The following ARRB2 variants were observed in gnomAD, a reference collection of about 807,000 sequenced individuals.
ARRB2 encodes beta-arrestin-2.
In ARRB2, 21 loss-of-function variants were observed where a neutral mutation model predicts 53.4. The observed-to-expected ratio is 0.39, with a 90% confidence interval of 0.28 to 0.57. ARRB2 has a LOEUF of 0.57. ARRB2 is among the 20% of genes least tolerant of loss of function. ARRB2 has a pLI of 0.55. For synonymous variants in ARRB2, 180 were observed against 212.9 expected, an observed-to-expected ratio of 0.85 and a Z score of 1.34; for missense variants, 369 against 527.5, an observed-to-expected ratio of 0.70 and a Z score of 2.94.
At chr17:4,715,228 A>G in intron 2 of ARRB2, 185 bp downstream of exon 2, 1 of 696,074 alleles carries the variant, frequency 1.4e-6, no homozygotes, top group Non-Finnish European at 2.3e-6. Flanking sequence ...GCTCAGCCTG[A>G]GCCAGCCACA....
chr17:4,715,570 CACACACACACACACACGG>C (rs1354944905), intron 2 of ARRB2: 7 of 199,690 alleles, frequency 3.5e-5, no homozygotes, highest in Non-Finnish European at 7.1e-5. Flanking sequence ...CACACACGGA[CACACACACACACACACGG>C]ACACACACAA....
chr17:4,716,397 AC>A lies in ARRB2; in HGVS notation c.161-12del. The A allele has an allele frequency of 1.2e-6, 2 of 1,613,800 alleles. No individual in the cohort carries two copies. The highest frequency in any genetic ancestry group is 1.7e-6 in the Non-Finnish European group (2 of 1,179,918). On this transcript the variant is annotated splice_polypyrimidine_tract_variant and intron_variant, in intron 4 of 14. Coordinates refer to ENST00000269260, the MANE Select transcript of ARRB2 (RefSeq NM_004313.4). ...AGTGGGGCTCCTGACCACTCATCTC[AC>A]CCTCCCTTGCCAGTGTTTGTGACCC...
intron 1 of ARRB2, among the ~76,000 whole-genome samples, chr17:4,714,064 T>C (rs181333150): frequency 6.8e-6 from 1 of 147,880 alleles, no homozygotes; most frequent in East Asian, 2.0e-4. Context: ...ACCATCTTCA[T>C]GATATGGCTG....
rs1915256018 is a variant in ARRB2, at chr17:4,718,039, G to A, written c.621+16G>A. ...GGACAAGGAGGTGGGGCGTGAGAGG[G>A]TGACACGGATGCCACGGTGCAGTTT... is the stretch of plus-strand genomic sequence containing the variant. On this transcript the variant is annotated intron_variant, in intron 8 of 14. Coordinates refer to ENST00000269260, the MANE Select transcript of ARRB2 (RefSeq NM_004313.4). 2 of 1,612,576 alleles carry A rather than the reference G, an allele frequency of 1.2e-6. No homozygotes were observed. Among genetic ancestry groups the A allele is most frequent in the Non-Finnish European group, 1.7e-6 (2 of 1,179,988 alleles).
intron 9 of ARRB2, 102 bp from the exon 10 acceptor site, chr17:4,718,510 T>C: frequency 7.6e-7 from 1 of 1,314,296 alleles, no homozygotes; most frequent in Non-Finnish European, 1.1e-6. Flanking sequence ...GTTTACTGCT[T>C]CAGTGGGGAG....
intron 3 of ARRB2, 21 bp downstream of exon 3, chr17:4,716,054 A>G: frequency 2.5e-6 from 4 of 1,614,182 alleles, no homozygotes; most frequent in Non-Finnish European, 3.4e-6. Context: ...CCAGAAAGGG[A>G]CAGCTCGTTC....
chr17:4,716,916 C>A (rs1915128005), intron 5 of ARRB2: 1 of 600,610 alleles, frequency 1.7e-6, no homozygotes. Context: ...TTCACTGCAA[C>A]CTCCGCCTCC....
At chr17:4,715,371 G>A in intron 2 of ARRB2, 1 of 410,898 alleles carries the variant, frequency 2.4e-6, no homozygotes, top group Non-Finnish European at 4.4e-6. Flanking sequence ...CAGCCCCCGG[G>A]CTATGGCCTA....
At chr17:4,718,561 G>T in intron 9 of ARRB2, 51 bp from the exon 10 acceptor site, 1 of 1,580,076 alleles carries the variant, frequency 6.3e-7, no homozygotes, top group Non-Finnish European at 8.6e-7. Context: ...TTGTGGTGTG[G>T]TGGTGGCTTG....
chr17:4,715,639 ACACAGACACACATGCACATACATGTT>A, intron 2 of ARRB2: 1 of 400,626 alleles, frequency 2.5e-6, no homozygotes, highest in East Asian at 5.3e-5. Context: ...CTGAGGACAC[ACACAGACACACATGCACATACATGTT>A]CACACACACA....
intron 9 of ARRB2, 126 bp from the exon 10 acceptor site, chr17:4,718,486 C>G: frequency 2.5e-6 from 3 of 1,201,870 alleles, no homozygotes; most frequent in Non-Finnish European, 3.6e-6. Flanking sequence ...CATAATGATA[C>G]GGGGAGCCTC....
intron 3 of ARRB2, 35 bp from the exon 4 acceptor site, chr17:4,716,112 C>T (rs1915003458): frequency 1.2e-6 from 2 of 1,614,072 alleles, no homozygotes; most frequent in Non-Finnish European, 1.7e-6. Flanking sequence ...GGGAGCGGCC[C>T]TTTCAGGAAG....
At chr17:4,720,096 C>T in intron 11 of ARRB2, 120 bp from the exon 12 acceptor site, 2 of 1,008,354 alleles carry the variant, frequency 2.0e-6, no homozygotes, top group Non-Finnish European at 3.0e-6. Flanking sequence ...GCCTGGGCTG[C>T]TGGGGCCCTG....
rs1227888150 is a variant in ARRB2, at chr17:4,717,640, G to A, written c.418-45G>A. On this transcript the variant is annotated intron_variant, in intron 6 of 14. Coordinates refer to ENST00000269260, the MANE Select transcript of ARRB2 (RefSeq NM_004313.4). This position sits in a 1 kb window ranked among gnomAD's most constrained non-coding sequence, Gnocchi z 6.0. ...GGGAGGAAGAAAGGGCAGTGATGGT[G>A]GCGGGAGCCTCCGGTAAGATGTGGC... 3 of 1,612,450 alleles carry A rather than the reference G, an allele frequency of 1.9e-6. No homozygotes were observed. Among genetic ancestry groups the A allele is most frequent in the Middle Eastern group, 1.7e-4 (1 of 5,756 alleles).
rs901933755 is a variant in ARRB2, at chr17:4,718,652, G to T, written c.747G>T (p.Gln249His). The change falls in exon 10 of 15, where the codon CAG (glutamine) becomes CAT (histidine). Residue 249 changes from glutamine to histidine, a missense_variant. Transcript: ENST00000269260. The stretch of plus-strand genomic sequence containing the variant: ...ACATCTGCCTCTTCAGCACCGCCCA[G>T]TACAAGTGTCCTGTGGCTCAACTCG... ...YADICLFSTA[Q>H]YKCPVAQLEQ... is the part of the protein sequence containing the mutation. The T allele has an allele frequency of 2.2e-5, 35 of 1,613,738 alleles. No homozygotes were observed. The highest frequency in any genetic ancestry group is 2.7e-5 in the Non-Finnish European group (32 of 1,180,014).
intron 11 of ARRB2, 108 bp downstream of exon 11, chr17:4,719,528 G>T (rs1915472463): frequency 2.7e-6 from 4 of 1,467,086 alleles, no homozygotes; most frequent in South Asian, 1.3e-5. Flanking sequence ...GAGACAAAAA[G>T]AACTCTTACA....
Position 4,718,296 on chromosome 17 carries a change from C to T in ARRB2, c.657C>T (p.Val219=), listed in dbSNP as rs1303229510. The T allele has an allele frequency of 1.2e-6, 2 of 1,612,298 alleles. No homozygotes were observed. Among genetic ancestry groups the T allele is most frequent in the Non-Finnish European group, 1.7e-6 (2 of 1,179,314 alleles). ...ATGGGGAGCCCCTCAATGTAAATGT[C>T]CACGTCACCAACAACTCCACCAAGA... The part of the protein sequence containing the change: ...YYHGEPLNVN[V]HVTNNSTKTV... Residue 219 remains valine, a synonymous_variant, in exon 9 of 15, where the codon GTC becomes GTT. Coordinates refer to ENST00000269260, the MANE Select transcript of ARRB2 (RefSeq NM_004313.4).
intron 1 of ARRB2, 159 bp from the exon 2 acceptor site, chr17:4,714,854 G>A (rs1471640026): frequency 3.6e-6 from 2 of 561,352 alleles, no homozygotes; most frequent in Non-Finnish European, 6.0e-6. Flanking sequence ...GGACCTTCCG[G>A]GAAGAAGGGG....
rs146732997 is a variant in ARRB2 at position 4,717,978 on chromosome 17, C to T, written c.576C>T (p.Leu192=). ...QPSAETTRHF[L]MSDRSLHLEA... ...CAGCCGAAACCACACGCCACTTCCT[C>T]ATGTCTGACCGGTCCCTGCACCTCG... is the stretch of plus-strand genomic sequence containing the variant. The change falls in exon 8 of 15, where the codon CTC becomes CTT. Residue 192 remains leucine (L), a synonymous_variant. Transcript: ENST00000269260. This position sits in a 1 kb window ranked among gnomAD's most constrained non-coding sequence, Gnocchi z 6.0. 3,223 of 1,613,748 alleles carry T rather than the reference C, an allele frequency of 2.0e-3. 8 individuals are homozygous for T. The highest frequency in any genetic ancestry group is 2.4e-3 in the Non-Finnish European group (2,862 of 1,180,030).
Sources: gnomAD v4.1 joint callset for allele counts (sites outside exome capture counted in the v4.1 genomes callset) on GRCh38, gnomAD v4.1.1 for gene constraint, Gnocchi (gnomAD v3.1) non-coding constraint, MANE v1.5 for transcripts, NCBI Gene and HGNC (gene_info 2026-07-23, HGNC 2026-07-21) for gene names.